The following IL6 variants were observed in gnomAD, a reference collection of about 807,000 sequenced individuals.
IL6 encodes the protein interleukin-6.
In IL6, 5 loss-of-function variants were observed where a neutral mutation model predicts 18.0. That is an observed-to-expected ratio of 0.28 (90% CI 0.15 to 0.58). The LOEUF (loss-of-function observed/expected upper bound fraction) is 0.58. IL6 is among the 20% of genes least tolerant of loss of function. The pLI is 0.90. For synonymous variants in IL6, 97 were observed against 95.1 expected, an observed-to-expected ratio of 1.02 and a Z score of -0.12; for missense variants, 266 against 251.0, an observed-to-expected ratio of 1.06 and a Z score of -0.40.
At position 22,728,825 on chromosome 7, in the gene IL6, C is replaced by G; in HGVS notation, c.324+19C>G. The G allele has an allele frequency of 7.2e-7, 1 of 1,388,820 alleles. No homozygotes were observed. Among genetic ancestry groups the G allele is most frequent in the Non-Finnish European group, 1.0e-6 (1 of 975,020 alleles). The allele number at this position is 1,388,820 out of a possible 1,614,324, so 86.0% of individuals were successfully genotyped here. A position where few individuals can be genotyped will look rare whatever the true frequency, so the allele number is the denominator to read the frequency against. ...CAATGAGGTACCAACTTGTCGCACT[C>G]ACTTTTCACTATTCCTTAGGCAAAA... On this transcript the variant is annotated intron_variant, in intron 3 of 4. Transcript: ENST00000258743.
chr7:22,727,554 A>C lies in IL6; in HGVS notation c.130A>C (p.Arg44=), dbSNP rs199957016. 6.2e-7 allele frequency: 1 copy of C among 1,610,646 alleles called. No individual in the cohort carries two copies. Among genetic ancestry groups the C allele is most frequent in the Admixed American group, 1.7e-5 (1 of 59,358 alleles). ...EDSKDVAAPH[R]QPLTSSERID... ...TTCCAAAGATGTAGCCGCCCCACAC[A>C]GACAGCCACTCACCTCTTCAGAACG... The change falls in exon 2 of 5, where the codon AGA becomes CGA. Residue 44 remains arginine (R), a synonymous_variant. Transcript: ENST00000258743.
In IL6 at chr7:22,731,498, C is replaced by T. The variant is rs1784124382; in HGVS notation, c.564C>T (p.Asp188=). 6.2e-7 allele frequency: 1 copy of T among 1,610,130 alleles called. No individual in the cohort carries two copies. The change falls in exon 5 of 5, where the codon GAC becomes GAT. Residue 188 remains aspartate (D), a synonymous_variant. Transcript: ENST00000258743. ...KLQAQNQWLQ[D]MTTHLILRSF... is the part of the protein sequence containing the mutation. ...AGGCACAGAACCAGTGGCTGCAGGA[C>T]ATGACAACTCATCTCATTCTGCGCA... is the stretch of plus-strand genomic sequence containing the variant.
At chr7:22,727,673 G>A (rs376544985) in intron 2 of IL6, 39 bp downstream of exon 2, 3 of 1,521,724 alleles carry the variant, frequency 2.0e-6, no homozygotes, top group African/African-American at 2.8e-5. Context: ...GGCCCGGTGC[G>A]CATGCGTTCC....
Position 22,727,272 on chromosome 7 carries a change from T to G in IL6, c.10T>G (p.Phe4Val), listed in dbSNP as rs958965295. The G allele has an allele frequency of 3.1e-6, 5 of 1,613,808 alleles. No homozygotes were observed. The highest frequency in any genetic ancestry group is 2.2e-5 in the East Asian group (1 of 44,854). MNS[F>V]STSAFGPVAF... is the part of the protein sequence containing the mutation. ...CTCCAGGAGCCCAGCTATGAACTCC[T>G]TCTCCACAAGTAAGTGCAGGAAATC... Residue 4 changes from phenylalanine (F) to valine (V), a missense_variant, in exon 1 of 5, where the codon TTC becomes GTC. Physicochemically the swap from Phe to Val is conservative, Grantham distance 50. Transcript: ENST00000258743.
chr7:22,731,379 A>G (rs1784121081), intron 4 of IL6, 27 bp from the exon 5 acceptor site: 3 of 1,530,734 alleles, frequency 2.0e-6, no homozygotes, highest in East Asian at 4.6e-5. Context: ...CATTTAAACA[A>G]TCCTTTTTAC....
chr7:22,728,362 G>A (rs932736231), intron 2 of IL6: 1 of 248,488 alleles, frequency 4.0e-6, no homozygotes, highest in South Asian at 7.7e-5. Flanking sequence ...CCTAATTATT[G>A]TCAAAATTGC....
rs201493844 is a variant in IL6 at position 22,727,437 on chromosome 7, G to C, written c.20-7G>C. 4 of 1,613,670 alleles carry C rather than the reference G, an allele frequency of 2.5e-6. No homozygotes were observed. The highest frequency in any genetic ancestry group is 1.7e-4 in the Middle Eastern group (1 of 6,054). ...CTCACCCCTGCGCTCGCTCCCCTCC[G>C]GCACAGGCGCCTTCGGTCCAGTTGC... On this transcript the variant is annotated splice_polypyrimidine_tract_variant and splice_region_variant and intron_variant, in intron 1 of 4. Coordinates refer to ENST00000258743, the MANE Select transcript of IL6 (RefSeq NM_000600.5).
chr7:22,730,135 G>A, intron 4 of IL6: 1 of 985,350 alleles, frequency 1.0e-6, no homozygotes, highest in Non-Finnish European at 1.2e-6. Flanking sequence ...GAGACTCAAG[G>A]GTGGAAAGAG....
intron 4 of IL6, 41 bp downstream of exon 4, chr7:22,729,701 A>G (rs1784088895): frequency 6.2e-7 from 1 of 1,613,980 alleles, no homozygotes; most frequent in Non-Finnish European, 8.5e-7. Flanking sequence ...GTGGGGGAAG[A>G]CAGGCTCAAA....
intron 2 of IL6, 124 bp from the exon 3 acceptor site, chr7:22,728,569 C>A (rs1406072868): frequency 3.1e-6 from 2 of 649,380 alleles, no homozygotes; most frequent in African/African-American, 1.8e-5. Flanking sequence ...GCCAGGATGC[C>A]AATGAGTTGT....
chr7:22,727,645 T>C lies in IL6; in HGVS notation c.210+11T>C, dbSNP rs368523710. ...GCCCTGAGAAAGGAGGTGGGTAGGC[T>C]TGGCGATGGGGTTGAAGGGCCCGGT... On this transcript the variant is annotated intron_variant, in intron 2 of 4. Transcript: ENST00000258743. 2.0e-6 allele frequency: 3 copies of C among 1,535,716 alleles called. No homozygotes were observed. The highest frequency in any genetic ancestry group is 2.8e-5 in the African/African-American group (2 of 72,230).
Position 22,729,665 on chromosome 7 carries a change from G to C in IL6, c.471+5G>C. Reference sequence around the variant, plus strand: ...ATCCAGTTCCTGCAGAAAAAGGTGGGTGTGTCCTCATTCCCTCAACTTGGT... The same window carrying C: ...ATCCAGTTCCTGCAGAAAAAGGTGGCTGTGTCCTCATTCCCTCAACTTGGT... On this transcript the variant is annotated splice_donor_5th_base_variant and intron_variant, in intron 4 of 4. Coordinates refer to ENST00000258743, the MANE Select transcript of IL6 (RefSeq NM_000600.5). 6.2e-7 allele frequency: 1 copy of C among 1,614,180 alleles called. No homozygotes were observed. Among genetic ancestry groups the C allele is most frequent in the Non-Finnish European group, 8.5e-7 (1 of 1,180,034 alleles).
rs767699802 is a variant in IL6 at position 22,729,614 on chromosome 7, C to A, written c.425C>A (p.Ala142Asp). The change falls in exon 4 of 5, where the codon GCT (alanine) becomes GAT (aspartate). Residue 142 changes from alanine to aspartate, a missense_variant. By Grantham distance (126) the Ala-to-Asp change is moderately radical. Transcript: ENST00000258743. ...GAGAGTAGTGAGGAACAAGCCAGAG[C>A]TGTGCAGATGAGTACAAAAGTCCTG... is the stretch of plus-strand genomic sequence containing the variant. ...RFESSEEQAR[A>D]VQMSTKVLIQ... 3.7e-6 allele frequency: 6 copies of A among 1,614,128 alleles called. No individual in the cohort carries two copies. The highest frequency in any genetic ancestry group is 1.3e-5 in the African/African-American group (1 of 75,022).
At chr7:22,731,342 T>C in intron 4 of IL6, 64 bp from the exon 5 acceptor site, 1 of 1,288,554 alleles carries the variant, frequency 7.8e-7, no homozygotes, top group Middle Eastern at 2.0e-4. Flanking sequence ...GCCCAGAGCA[T>C]CCCTCCACTG....
intron 4 of IL6, 148 bp downstream of exon 4, chr7:22,729,808 T>G: frequency 6.5e-7 from 1 of 1,533,010 alleles, no homozygotes; most frequent in Non-Finnish European, 8.8e-7. Flanking sequence ...TGATTGTTAT[T>G]GTTAAATCTT....
chr7:22,727,325 C>A (rs55927793), intron 1 of IL6, 44 bp downstream of exon 1: 17 of 1,613,824 alleles, frequency 1.1e-5, no homozygotes, highest in African/African-American at 1.3e-5. Flanking sequence ...CAGCGGCGGT[C>A]GAGCCCTGTG....
At chr7:22,729,689 G>T in intron 4 of IL6, 29 bp downstream of exon 4, 1 of 1,614,086 alleles carries the variant, frequency 6.2e-7, no homozygotes, top group Non-Finnish European at 8.5e-7. Flanking sequence ...CCTCAACTTG[G>T]TGTGGGGGAA....
rs1172485237 is a variant in IL6, at chr7:22,731,522, C to A, written c.588C>A (p.Arg196=). Residue 196 remains arginine (R), a synonymous_variant, in exon 5 of 5, where the codon CGC becomes CGA. Transcript: ENST00000258743. ...LQDMTTHLIL[R]SFKEFLQSSL... is the part of the protein sequence containing the mutation. Reference sequence around the variant, plus strand: ...ACATGACAACTCATCTCATTCTGCGCAGCTTTAAGGAGTTCCTGCAGTCCA... The same window carrying A: ...ACATGACAACTCATCTCATTCTGCGAAGCTTTAAGGAGTTCCTGCAGTCCA... 5 of 1,611,006 alleles carry A rather than the reference C, an allele frequency of 3.1e-6. No homozygotes were observed. Among genetic ancestry groups the A allele is most frequent in the Non-Finnish European group, 3.4e-6 (4 of 1,177,628 alleles).
intron 4 of IL6, chr7:22,730,350 T>G: frequency 3.6e-4 from 342 of 941,738 alleles, no homozygotes; most frequent in Middle Eastern, 1.1e-3. Context: ...CTTCTTGTGG[T>G]GTGGAGTCTG....
Sources: gnomAD v4.1 joint callset for allele counts on GRCh38, gnomAD v4.1.1 for gene constraint, MANE v1.5 for transcripts, NCBI Gene and HGNC (gene_info 2026-07-23, HGNC 2026-07-21) for gene names.